The following STAU2 variants were observed in gnomAD, a reference collection of about 807,000 sequenced individuals.
STAU2 encodes double-stranded RNA-binding protein Staufen homolog 2.
In STAU2, 20 loss-of-function variants were observed where a neutral mutation model predicts 65.9. That is an observed-to-expected ratio of 0.30 (90% CI 0.21 to 0.44). The LOEUF (loss-of-function observed/expected upper bound fraction) is 0.44, where lower values mean the gene tolerates loss of function less well. Among genes scored for constraint, STAU2 ranks in the 20% least tolerant of loss-of-function variants. The pLI, the probability that STAU2 is intolerant of heterozygous loss-of-function variation, is 1.00. For synonymous variants in STAU2, 232 were observed against 233.9 expected, an observed-to-expected ratio of 0.99 and a Z score of 0.07; for missense variants, 558 against 683.9, an observed-to-expected ratio of 0.82 and a Z score of 2.05.
rs766538154 is a variant in STAU2, at chr8:73,567,852, G to T, written c.1222+14918C>A. ...GCATCCCACCTTTTCTTACTCGCTG[G>T]GGGGGAGGGGGGAGTTGGGCAGGAT... On this transcript the variant is annotated intron_variant, in intron 12 of 14. Coordinates refer to ENST00000524300, the MANE Select transcript of STAU2 (RefSeq NM_001164380.2). Among the ~76,000 whole-genome samples the T allele has an allele frequency of 6.4e-4, 98 of 151,982 alleles. 1 individual carries two copies. Among genetic ancestry groups the T allele is most frequent in the South Asian group, 1.7e-3 (8 of 4,798 alleles).
chr8:73,688,525 T>TA, intron 5 of STAU2, 129 bp downstream of exon 5: 1 of 728,100 alleles, frequency 1.4e-6, no homozygotes. Context: ...TGTGTGTGTG[T>TA]GTGTGTAGGT....
rs146705265 is a variant in STAU2 at position 73,420,629 on chromosome 8, A to G, written c.*743T>C. On this transcript the variant is annotated 3_prime_UTR_variant, in exon 15 of 15. Transcript: ENST00000524300. ...ACAACAGGGAGTGGAATCCGGGAAG[A>G]TGATATATAGGGGCAAGACGCCCCC... 6.3e-4 allele frequency: 109 copies of G among 173,814 alleles called. No individual in the cohort carries two copies. The highest frequency in any genetic ancestry group is 2.4e-3 in the African/African-American group (104 of 42,776). 10.8% of individuals were successfully genotyped at this position (173,814 alleles called of 1,614,324 possible).
chr8:73,740,228 T>G (rs1163466332), intron 1 of STAU2, among the ~76,000 whole-genome samples: 1 of 152,216 alleles, frequency 6.6e-6, no homozygotes, highest in Non-Finnish European at 1.5e-5. Context: ...TGCACCCAGA[T>G]TTCTAACCCA....
chr8:73,623,180 A>C (rs1813390535), intron 6 of STAU2, among the ~76,000 whole-genome samples: 1 of 152,176 alleles, frequency 6.6e-6, no homozygotes, highest in African/African-American at 2.4e-5. Context: ...AACTTTTTAT[A>C]CCACATATCC....
intron 9 of STAU2, among the ~76,000 whole-genome samples, chr8:73,608,680 T>C (rs150439254): frequency 6.5e-4 from 96 of 148,704 alleles, no homozygotes; most frequent in South Asian, 1.3e-3. Flanking sequence ...TAATGACTGA[T>C]AGGACGTAAG....
chr8:73,712,871 GC>G (rs1476731982), intron 3 of STAU2, among the ~76,000 whole-genome samples: 2 of 152,208 alleles, frequency 1.3e-5, no homozygotes, highest in African/African-American at 4.8e-5. Context: ...TAGAAGGATT[GC>G]TTGAGCCCAG....
At chr8:73,624,856 A>T (rs1586145912) in intron 6 of STAU2, among the ~76,000 whole-genome samples, 1 of 152,366 alleles carries the variant, frequency 6.6e-6, no homozygotes, top group Middle Eastern at 3.4e-3. Flanking sequence ...CAGGTGCAGG[A>T]TATCAGCTGC....
intron 5 of STAU2, among the ~76,000 whole-genome samples, chr8:73,673,632 A>C (rs917116641): frequency 6.6e-6 from 1 of 152,192 alleles, no homozygotes; most frequent in Non-Finnish European, 1.5e-5. Flanking sequence ...TTTTATTTAT[A>C]CTTTGGTAAT....
chr8:73,570,112 A>C (rs1808937368), intron 12 of STAU2, among the ~76,000 whole-genome samples: 1 of 152,204 alleles, frequency 6.6e-6, no homozygotes, highest in Non-Finnish European at 1.5e-5. Context: ...CAGTGTAGAG[A>C]AGACTTTAAA....
intron 13 of STAU2, among the ~76,000 whole-genome samples, chr8:73,496,424 T>C (rs899179121): frequency 6.6e-6 from 1 of 151,572 alleles, no homozygotes. Flanking sequence ...CTGAAGGAAG[T>C]GTGCTAGAAT....
chr8:73,486,659 T>TA (rs1563620902), intron 13 of STAU2, among the ~76,000 whole-genome samples: 2,440 of 52,268 alleles, frequency 0.047, 52 homozygotes, highest in African/African-American at 0.15. Flanking sequence ...ATATATATAT[T>TA]TTTTTTTTTT....
intron 6 of STAU2, among the ~76,000 whole-genome samples, chr8:73,656,113 A>T (rs569420917): frequency 1.3e-5 from 2 of 152,320 alleles, no homozygotes; most frequent in South Asian, 4.1e-4. Flanking sequence ...GTAAAATATT[A>T]ATGGACATGA....
At chr8:73,438,993 C>T (rs1446617918) in intron 13 of STAU2, 2 of 456,734 alleles carry the variant, frequency 4.4e-6, no homozygotes, top group Non-Finnish European at 8.8e-6. Context: ...ATACCTGGTT[C>T]CTCAACGTCT....
intron 3 of STAU2, among the ~76,000 whole-genome samples, chr8:73,733,262 C>G (rs187954030): frequency 3.9e-4 from 59 of 152,280 alleles, no homozygotes; most frequent in Admixed American, 1.8e-3. Context: ...TTGCTAGGCT[C>G]TCCCAATACT....
intron 13 of STAU2, among the ~76,000 whole-genome samples, chr8:73,500,040 C>A (rs1486635773): frequency 6.6e-6 from 1 of 151,744 alleles, no homozygotes; most frequent in Non-Finnish European, 1.5e-5. Flanking sequence ...ACTGAGAGTT[C>A]TTATTAAATA....
rs74376557 is a variant in STAU2, at chr8:73,633,595, T to G, written c.411-16144A>C. ...ATCTGACCTTGAGGCGGCTACAAGA[T>G]GAGGATGGGCTAGATCAGTGGTTTC... is the stretch of plus-strand genomic sequence containing the variant. On this transcript the variant is annotated intron_variant, in intron 6 of 14. Transcript: ENST00000524300. 6.2e-3 allele frequency among the ~76,000 whole-genome samples: 943 copies of G among 152,190 alleles called. 6 individuals carry two copies. The highest frequency in any genetic ancestry group is 0.021 in the African/African-American group (885 of 41,524).
intron 13 of STAU2, among the ~76,000 whole-genome samples, chr8:73,492,573 T>C (rs1187586178): frequency 7.9e-5 from 12 of 151,844 alleles, no homozygotes; most frequent in African/African-American, 2.7e-4. Flanking sequence ...CACACACACA[T>C]ATACACAAAC....
At chr8:73,647,948 C>A (rs1181830948) in intron 6 of STAU2, among the ~76,000 whole-genome samples, 11 of 152,146 alleles carry the variant, frequency 7.2e-5, no homozygotes, top group African/African-American at 2.4e-4. Flanking sequence ...AACAGAACTA[C>A]AACACATACA....
chr8:73,703,070 G>A (rs1820233331), intron 4 of STAU2, among the ~76,000 whole-genome samples: 1 of 152,150 alleles, frequency 6.6e-6, no homozygotes, highest in Admixed American at 6.5e-5. Context: ...AATAGAGAAA[G>A]AGAAAAGGTA....
Sources: allele counts gnomAD v4.1 joint callset (sites outside exome capture counted in the v4.1 genomes callset), GRCh38; gene constraint gnomAD v4.1.1; transcripts MANE v1.5; gene names NCBI Gene and HGNC (gene_info 2026-07-23, HGNC 2026-07-21).